The following ICE2 variants were observed in gnomAD, a reference collection of about 807,000 sequenced individuals.
The protein encoded by ICE2 is interactor of little elongation complex ELL subunit 2, also known as little elongation complex subunit 2.
A neutral mutation model predicts 105.4 loss-of-function variants in ICE2; 87 were observed. The ratio of observed to expected loss-of-function variants is 0.83; its 90% CI spans 0.69 to 0.99. The LOEUF (loss-of-function observed/expected upper bound fraction) is 0.99, where lower values mean the gene tolerates loss of function less well. Ranked by LOEUF, ICE2 falls within the 50% of genes least tolerant of loss-of-function variation. The pLI is 0.00. For synonymous variants in ICE2, 399 were observed against 392.0 expected (o/e 1.02, Z -0.21); for missense variants, 1,323 against 1,146.7 (o/e 1.15, Z -2.22).
In ICE2 at chr15:60,462,469, T is replaced by C. The variant is rs145227456; in HGVS notation, c.528+4125A>G. On this transcript the variant is annotated intron_variant, in intron 5 of 15. Transcript: ENST00000261520. The stretch of plus-strand genomic sequence containing the variant: ...GTAATGCATATGTTAATTAGTCCGG[T>C]TTGGCCTTTCCACAATGTATACATA... 2.7e-3 allele frequency among the ~76,000 whole-genome samples: 410 copies of C among 152,290 alleles called. 2 individuals carry two copies. The highest frequency in any genetic ancestry group is 9.3e-3 in the African/African-American group (385 of 41,554).
chr15:60,465,252 C>T (rs551654011), intron 5 of ICE2, among the ~76,000 whole-genome samples: 11 of 152,022 alleles, frequency 7.2e-5, no homozygotes, highest in Admixed American at 2.6e-4. Flanking sequence ...AGTGTAGCAG[C>T]ACAATCAAGG....
intron 5 of ICE2, among the ~76,000 whole-genome samples, chr15:60,462,717 G>GGCTCTC (rs1567001824): frequency 6.6e-6 from 1 of 152,024 alleles, no homozygotes; most frequent in Non-Finnish European, 1.5e-5. Context: ...CGCTCTCTCT[G>GGCTCTC]GCTCTCGCTC....
chr15:60,468,206 G>A lies in ICE2; in HGVS notation c.263C>T (p.Pro88Leu). Reference protein sequence around the residue: ...VKTTIGMVLLPKPRVPYPRFS... With the variant: ...VKTTIGMVLLLKPRVPYPRFS... Reference sequence around the variant, plus strand: ...ACGAGGATAAGGAACTCTTGGTTTTGGAAGAAGAACCATTCCAATTGTGGT... The same window carrying A: ...ACGAGGATAAGGAACTCTTGGTTTTAGAAGAAGAACCATTCCAATTGTGGT... The change falls in exon 4 of 16, where the codon CCA (proline) becomes CTA (leucine). Residue 88 changes from proline (P) to leucine (L), a missense_variant. Transcript: ENST00000261520. 6.2e-7 allele frequency: 1 copy of A among 1,614,034 alleles called. No individual in the cohort carries two copies. Among genetic ancestry groups the A allele is most frequent in the Non-Finnish European group, 8.5e-7 (1 of 1,179,956 alleles).
At chr15:60,429,725 G>A (rs2063414651) in intron 14 of ICE2, among the ~76,000 whole-genome samples, 1 of 152,042 alleles carries the variant, frequency 6.6e-6, no homozygotes, top group Non-Finnish European at 1.5e-5. Flanking sequence ...AATAGGTGTT[G>A]ACAATTGCTC....
At chr15:60,444,559 TG>T (rs1428016696) in intron 11 of ICE2, among the ~76,000 whole-genome samples, 1 of 152,202 alleles carries the variant, frequency 6.6e-6, no homozygotes, top group Non-Finnish European at 1.5e-5. Context: ...TTAGGATACT[TG>T]GTTCATTGAG....
At chr15:60,466,487 G>GGTAA (rs2064431291) in intron 5 of ICE2, 107 bp downstream of exon 5, 2 of 1,286,522 alleles carry the variant, frequency 1.6e-6, no homozygotes, top group African/African-American at 3.0e-5. Context: ...TTTTTAAATT[G>GGTAA]GTAACACTGA....
chr15:60,435,417 T>G (rs544605113), intron 13 of ICE2, among the ~76,000 whole-genome samples: 1 of 151,680 alleles, frequency 6.6e-6, no homozygotes, highest in Non-Finnish European at 1.5e-5. Flanking sequence ...CTAACCAATA[T>G]GGAGAAACCC....
intron 15 of ICE2, among the ~76,000 whole-genome samples, chr15:60,426,525 A>T (rs2063341567): frequency 1.3e-5 from 2 of 152,240 alleles, no homozygotes; most frequent in South Asian, 4.1e-4. Context: ...TAAGTGATAC[A>T]TGACTACAAA....
intron 15 of ICE2, among the ~76,000 whole-genome samples, 187 bp from the exon 16 acceptor site, chr15:60,423,949 C>T (rs1196800672): frequency 6.6e-6 from 1 of 152,164 alleles, no homozygotes; most frequent in Non-Finnish European, 1.5e-5. Flanking sequence ...ACTAAACTTT[C>T]AAATAACCAT....
In ICE2 at chr15:60,476,111, T is replaced by C. The variant is rs2064755008; in HGVS notation, c.98A>G (p.Asp33Gly). The C allele has an allele frequency of 1.9e-6, 3 of 1,609,352 alleles. No individual in the cohort carries two copies. Among genetic ancestry groups the C allele is most frequent in the Non-Finnish European group, 2.5e-6 (3 of 1,178,248 alleles). Reference protein sequence around the residue: ...KTFFSRENYKDHSMAPSLKEL... With the variant: ...KTFFSRENYKGHSMAPSLKEL... ...TTTTAAACTTGGAGCCATGGAATGA[T>C]CTTTATAATTTTCTCGAGAGAAAAA... The change falls in exon 3 of 16, where the codon GAT (aspartate) becomes GGT (glycine). Residue 33 changes from aspartate to glycine, a missense_variant. By Grantham distance (94) the Asp-to-Gly change is moderately conservative (BLOSUM62 -1). Coordinates refer to ENST00000261520, the MANE Select transcript of ICE2 (RefSeq NM_024611.6).
At chr15:60,467,074 G>A (rs549393945) in intron 4 of ICE2, among the ~76,000 whole-genome samples, 61 of 152,080 alleles carry the variant, frequency 4.0e-4, no homozygotes, top group Non-Finnish European at 6.5e-4. Context: ...TGCAACCTCC[G>A]CCTCCTGAGT....
At chr15:60,437,502 T>A (rs1453518287) in intron 12 of ICE2, among the ~76,000 whole-genome samples, 1 of 151,466 alleles carries the variant, frequency 6.6e-6, no homozygotes, top group Non-Finnish European at 1.5e-5. Flanking sequence ...TGGCTAATTT[T>A]TTGTATTTTT....
intron 13 of ICE2, among the ~76,000 whole-genome samples, chr15:60,434,358 A>C (rs1430089722): frequency 6.6e-6 from 1 of 152,144 alleles, no homozygotes; most frequent in African/African-American, 2.4e-5. Context: ...TAATGGAGTA[A>C]AACGTTTGCT....
rs139474269 is a variant in ICE2, at chr15:60,423,736, G to C, written c.2847C>G (p.Arg949=). The change falls in exon 16 of 16, where the codon CGC becomes CGG. Residue 949 remains arginine, a synonymous_variant. Transcript: ENST00000261520. ...CCATGGAAACTGGATTCCTGTGGCT[G>C]CGTGTAGGCATTCTCGTTCCACCAA... The part of the protein sequence containing the change: ...QKIGGTRMPT[R]SHRNPVSMET... The C allele has an allele frequency of 6.2e-7, 1 of 1,600,336 alleles. No homozygotes were observed. Among genetic ancestry groups the C allele is most frequent in the Admixed American group, 1.8e-5 (1 of 56,272 alleles).
intron 9 of ICE2, chr15:60,451,706 G>A: frequency 2.8e-6 from 2 of 726,304 alleles, no homozygotes; most frequent in Non-Finnish European, 3.4e-6. Flanking sequence ...TTTACTTCTG[G>A]TTCACCCTGA....
At position 60,455,094 on chromosome 15, in the gene ICE2, A is replaced by C. The variant is rs2064067959; in HGVS notation, c.852T>G (p.Ser284Arg). ...TATTTAATAAGGTAAATAATGACTG[A>C]CTAGTTAGAGCTATCTGAGGGTGAT... The part of the protein sequence containing the change: ...SRYHPQIALT[S>R]QSLFTLLNNH... The change falls in exon 8 of 16, where the codon AGT becomes AGG. Residue 284 changes from serine (S) to arginine (R), a missense_variant. By Grantham distance (110) the Ser-to-Arg change is moderately radical (BLOSUM62 -1). Coordinates refer to ENST00000261520, the MANE Select transcript of ICE2 (RefSeq NM_024611.6). 1.2e-6 allele frequency: 2 copies of C among 1,603,528 alleles called. No homozygotes were observed. Among genetic ancestry groups the C allele is most frequent in the Non-Finnish European group, 1.7e-6 (2 of 1,176,724 alleles).
chr15:60,469,307 G>A (rs114308246), intron 3 of ICE2, among the ~76,000 whole-genome samples: 33 of 152,258 alleles, frequency 2.2e-4, no homozygotes, highest in African/African-American at 7.7e-4. Flanking sequence ...TGGGGTTGGG[G>A]TAGGAGAACA....
intron 12 of ICE2, chr15:60,441,715 G>A (rs1297318847): frequency 1.3e-5 from 2 of 152,152 alleles, no homozygotes; most frequent in African/African-American, 2.4e-5. Flanking sequence ...TCCAGTGGGA[G>A]GAAATACTAC....
intron 3 of ICE2, among the ~76,000 whole-genome samples, chr15:60,473,430 C>G (rs551086995): frequency 1.4e-4 from 21 of 152,066 alleles, no homozygotes; most frequent in African/African-American, 4.8e-4. Context: ...GTAGCTGAGA[C>G]TGCAGGCACA....
Sources: gnomAD v4.1 joint callset for allele counts (sites outside exome capture counted in the v4.1 genomes callset) on GRCh38, gnomAD v4.1.1 for gene constraint, MANE v1.5 for transcripts, NCBI Gene and HGNC (gene_info 2026-07-23, HGNC 2026-07-21) for gene names.